Variants in LARGE1 observed in about 807,000 individuals in gnomAD.
The protein encoded by LARGE1 is xylosyl- and glucuronyltransferase LARGE1.
LARGE1 carries 43 observed loss-of-function variants against 87.6 expected under a neutral mutation model. The observed-to-expected ratio is 0.49, with a 90% CI of 0.38 to 0.63. LARGE1 has a LOEUF of 0.63. Ranked by LOEUF, LARGE1 falls within the 30% of genes least tolerant of loss-of-function variation. The pLI is 0.00. For missense variants in LARGE1, 802 were observed against 1,000.2 expected, an observed-to-expected ratio of 0.80 and a Z score of 2.67; for synonymous variants, 434 against 394.6, an observed-to-expected ratio of 1.10 and a Z score of -1.18.
intron 1 of LARGE1, among the ~76,000 whole-genome samples, chr22:33,769,396 T>C (rs547506589): frequency 3.5e-4 from 53 of 152,326 alleles, no homozygotes; most frequent in African/African-American, 8.4e-4. Flanking sequence ...AGACCATCAG[T>C]GTCACAAGGG....
chr22:33,701,479 T>C (rs182770537), intron 2 of LARGE1, among the ~76,000 whole-genome samples: 14 of 152,268 alleles, frequency 9.2e-5, no homozygotes, highest in African/African-American at 3.1e-4. Context: ...AGGAGGTTGG[T>C]AGTGTAGGGT....
intron 11 of LARGE1, among the ~76,000 whole-genome samples, chr22:33,216,862 CTTGGACA>C (rs1392860274): frequency 6.6e-6 from 1 of 152,130 alleles, no homozygotes; most frequent in Non-Finnish European, 1.5e-5. Flanking sequence ...CAGCATAGGG[CTTGGACA>C]TGTGGGAGCT....
chr22:33,182,765 C>A (rs527643790), intron 11 of LARGE1, among the ~76,000 whole-genome samples: 1 of 152,200 alleles, frequency 6.6e-6, no homozygotes, highest in East Asian at 1.9e-4. Context: ...TATCCACATG[C>A]AGAAGAATGA....
the LARGE1 span, among the ~76,000 whole-genome samples, chr22:33,093,822 C>CTTTTTTTTTTTTTTTTTT: frequency 2.6e-4 from 21 of 81,572 alleles, no homozygotes; most frequent in South Asian, 4.6e-4. Context: ...TTCTTTCTTT[C>CTTTTTTTTTTTTTTTTTT]TTTTTTTTTT....
chr22:33,464,850 TACAC>T (rs1300770992), intron 6 of LARGE1, among the ~76,000 whole-genome samples: 2 of 148,020 alleles, frequency 1.4e-5, no homozygotes, highest in South Asian at 2.1e-4. Flanking sequence ...CACGCACACA[TACAC>T]ACACACTACA....
intron 1 of LARGE1, among the ~76,000 whole-genome samples, chr22:33,916,784 C>T (rs958210342): frequency 1.3e-5 from 2 of 152,232 alleles, no homozygotes; most frequent in African/African-American, 2.4e-5. Flanking sequence ...TGGCTTCCAT[C>T]AAATTCATAA....
At position 33,853,181 on chromosome 22, in the gene LARGE1, A is replaced by G. The variant is rs536495293; in HGVS notation, c.-83+66814T>C. 1.6e-4 allele frequency among the ~76,000 whole-genome samples: 24 copies of G among 152,072 alleles called. No homozygotes were observed. In the East Asian group the frequency reaches 4.5e-3, roughly 28 times the overall value. On this transcript the variant is annotated intron_variant, in intron 1 of 14. Transcript: ENST00000397394. ...AGAGAGGTCTAGGAACTTGTCCGAGACCACACAATTTGATGATAGAACCAG... is the reference window on the plus strand; with the variant it reads ...AGAGAGGTCTAGGAACTTGTCCGAGGCCACACAATTTGATGATAGAACCAG...
the LARGE1 span, among the ~76,000 whole-genome samples, chr22:33,084,030 A>G: frequency 2.0e-5 from 3 of 152,098 alleles, no homozygotes; most frequent in Non-Finnish European, 4.4e-5. Flanking sequence ...GTAAACCAGA[A>G]CTGCTTTTTG....
At chr22:33,786,817 C>T (rs906337481) in intron 1 of LARGE1, among the ~76,000 whole-genome samples, 16 of 152,072 alleles carry the variant, frequency 1.1e-4, no homozygotes, top group Admixed American at 6.6e-4. Flanking sequence ...GTCAGGAGTT[C>T]GAGACCAGCC....
chr22:33,207,904 C>T (rs1021849182), intron 11 of LARGE1, among the ~76,000 whole-genome samples: 6 of 152,256 alleles, frequency 3.9e-5, no homozygotes, highest in East Asian at 1.9e-4. Context: ...AAGTTTTTCT[C>T]CCCTAAAGGC....
At chr22:33,229,598 G>A (rs1925904666) in intron 11 of LARGE1, among the ~76,000 whole-genome samples, 1 of 152,076 alleles carries the variant, frequency 6.6e-6, no homozygotes, top group South Asian at 2.1e-4. Flanking sequence ...AGAATTTAGA[G>A]CTTGTCACAG....
intron 11 of LARGE1, among the ~76,000 whole-genome samples, chr22:33,192,899 C>G (rs746772308): frequency 1.2e-4 from 18 of 152,148 alleles, no homozygotes; most frequent in Non-Finnish European, 2.1e-4. Context: ...AATCAGTTTT[C>G]CCAACACCAT....
intron 9 of LARGE1, among the ~76,000 whole-genome samples, chr22:33,377,022 C>A (rs544687136): frequency 1.3e-5 from 2 of 152,318 alleles, no homozygotes; most frequent in East Asian, 1.9e-4. Flanking sequence ...CATCCTGGCA[C>A]TGAGAGACAT....
intron 1 of LARGE1, among the ~76,000 whole-genome samples, chr22:33,909,664 G>A (rs925206829): frequency 2.0e-4 from 31 of 151,774 alleles, no homozygotes; most frequent in African/African-American, 6.0e-4. Context: ...TCAGCCTCCC[G>A]AGTAGCTGGG....
chr22:33,263,293 A>G (rs923225354), intron 11 of LARGE1, among the ~76,000 whole-genome samples: 2 of 152,182 alleles, frequency 1.3e-5, no homozygotes, highest in Admixed American at 6.5e-5. Flanking sequence ...ATCTCCCTAT[A>G]TAATCTCTCT....
intron 3 of LARGE1, among the ~76,000 whole-genome samples, chr22:33,632,729 TG>T (rs749730361): frequency 1.3e-5 from 2 of 152,274 alleles, no homozygotes; most frequent in Non-Finnish European, 2.9e-5. Context: ...GCATCTCACT[TG>T]TCCTGTTGGC....
In LARGE1 at chr22:33,373,246, C is replaced by T. The variant is rs147526027; in HGVS notation, c.1131+8673G>A. On this transcript the variant is annotated intron_variant, in intron 9 of 14. Coordinates refer to ENST00000397394, the MANE Select transcript of LARGE1 (RefSeq NM_133642.5). ...AAAACAAAACTAAAATTTTCATCCC[C>T]TATGTTAGAACAACAAGGTTTTCTT... 1.2e-4 allele frequency among the ~76,000 whole-genome samples: 19 copies of T among 152,284 alleles called. No individual in the cohort carries two copies. In the East Asian group the frequency reaches 3.7e-3, roughly 29 times the overall value.
At position 33,748,590 on chromosome 22, in the gene LARGE1, C is replaced by T. The variant is rs183346948; in HGVS notation, c.106+12781G>A. ...CCCCAATTTACGCAGAGTCAATTTG[C>T]GGTAAGAGAGGTTAAGTGACTCAAT... On this transcript the variant is annotated intron_variant, in intron 2 of 14. Transcript: ENST00000397394. 2.4e-3 allele frequency among the ~76,000 whole-genome samples: 367 copies of T among 152,184 alleles called. 1 individual carries two copies. Among genetic ancestry groups the T allele is most frequent in the African/African-American group, 8.3e-3 (346 of 41,514 alleles).
At chr22:33,717,066 A>C (rs1160977781) in intron 2 of LARGE1, among the ~76,000 whole-genome samples, 1 of 152,188 alleles carries the variant, frequency 6.6e-6, no homozygotes, top group African/African-American at 2.4e-5. Context: ...ACCCCTCTTC[A>C]CTGTATATGT....
Sources: allele counts gnomAD v4.1 joint callset (sites outside exome capture counted in the v4.1 genomes callset), GRCh38; gene constraint gnomAD v4.1.1; transcripts MANE v1.5; gene names NCBI Gene and HGNC (gene_info 2026-07-23, HGNC 2026-07-21).